NUBPL: variants seen among roughly 807,000 people sequenced by gnomAD.
The protein encoded by NUBPL is iron-sulfur cluster transfer protein NUBPL.
In NUBPL, 31 loss-of-function variants were observed where a neutral mutation model predicts 45.7. That is an observed-to-expected ratio of 0.68 (90% CI 0.51 to 0.92). The LOEUF is 0.92. Ranked by LOEUF, NUBPL falls within the 40% of genes least tolerant of loss-of-function variation. The pLI, the probability that NUBPL is intolerant of heterozygous loss-of-function variation, is 0.00. For missense variants in NUBPL, 401 were observed against 398.7 expected (o/e 1.01, Z -0.05); for synonymous variants, 144 against 140.9 (o/e 1.02, Z -0.15).
At chr14:31,573,894 T>C (rs1365913311) in intron 3 of NUBPL, among the ~76,000 whole-genome samples, 1 of 152,188 alleles carries the variant, frequency 6.6e-6, no homozygotes, top group Non-Finnish European at 1.5e-5. Flanking sequence ...TTTTATTCCT[T>C]TTTTTAATCC....
At chr14:31,826,859 A>C in intron 8 of NUBPL, 145 bp downstream of exon 8, 1 of 737,332 alleles carries the variant, frequency 1.4e-6, no homozygotes, top group Non-Finnish European at 2.4e-6. Context: ...GTGACTTTAA[A>C]AACACACTTA....
chr14:31,692,978 T>G (rs2037126812), intron 6 of NUBPL, among the ~76,000 whole-genome samples: 1 of 152,118 alleles, frequency 6.6e-6, no homozygotes, highest in South Asian at 2.1e-4. Context: ...TTTGCAGCAG[T>G]AGAGGTTTCT....
At chr14:31,570,135 G>A (rs1302801568) in intron 3 of NUBPL, among the ~76,000 whole-genome samples, 1 of 152,164 alleles carries the variant, frequency 6.6e-6, no homozygotes, top group Non-Finnish European at 1.5e-5. Flanking sequence ...AACATATACT[G>A]TGGAAGCTTA....
At chr14:31,799,063 A>G (rs4981911) in intron 7 of NUBPL, among the ~76,000 whole-genome samples, 51,196 of 151,886 alleles carry the variant, frequency 0.34, 8,935 homozygotes, top group South Asian at 0.41. Flanking sequence ...GAGCCTTTCT[A>G]TCAATTTTGC....
intron 7 of NUBPL, among the ~76,000 whole-genome samples, chr14:31,825,159 A>T (rs1051557687): frequency 1.3e-5 from 2 of 151,988 alleles, no homozygotes; most frequent in Non-Finnish European, 2.9e-5. Flanking sequence ...CCTCAGTTTT[A>T]TTCCCACCAA....
intron 6 of NUBPL, among the ~76,000 whole-genome samples, chr14:31,754,556 T>C (rs1216028970): frequency 6.6e-6 from 1 of 150,400 alleles, no homozygotes. Context: ...TTTAGAAGAT[T>C]GTGGGTTTTA....
intron 6 of NUBPL, among the ~76,000 whole-genome samples, chr14:31,758,754 A>G (rs1345298297): frequency 6.6e-6 from 1 of 152,186 alleles, no homozygotes; most frequent in Admixed American, 6.6e-5. Context: ...ATGAAATACT[A>G]TTTTGTCATT....
intron 6 of NUBPL, among the ~76,000 whole-genome samples, chr14:31,691,420 G>A (rs1212815727): frequency 1.3e-5 from 2 of 152,190 alleles, no homozygotes; most frequent in African/African-American, 2.4e-5. Flanking sequence ...TATTAGTAAA[G>A]TTTTTTGGGA....
chr14:31,652,885 C>T (rs1816815), intron 4 of NUBPL, among the ~76,000 whole-genome samples: 24 of 151,904 alleles, frequency 1.6e-4, no homozygotes, highest in African/African-American at 5.1e-4. Flanking sequence ...ATTTTCCCTA[C>T]GTGTCAGCCG....
chr14:31,644,608 AAG>A (rs1326345042), intron 4 of NUBPL, among the ~76,000 whole-genome samples: 1 of 152,168 alleles, frequency 6.6e-6, no homozygotes, highest in African/African-American at 2.4e-5. Context: ...TGTGGCAATA[AAG>A]AGAGTGTATG....
intron 6 of NUBPL, among the ~76,000 whole-genome samples, chr14:31,769,627 C>A (rs1222706950): frequency 1.3e-5 from 2 of 151,704 alleles, no homozygotes; most frequent in African/African-American, 4.8e-5. Flanking sequence ...TTGGAGCTTT[C>A]CTGTTCTTAT....
At chr14:31,649,921 G>A (rs149868911) in intron 4 of NUBPL, among the ~76,000 whole-genome samples, 237 of 152,170 alleles carry the variant, frequency 1.6e-3, no homozygotes, top group Middle Eastern at 0.014. Context: ...TTGCAATGGC[G>A]CAATCTCCGC....
rs550965909 is a variant in NUBPL, at chr14:31,743,468, C to T, written c.514-44312C>T. Among the ~76,000 whole-genome samples the T allele has an allele frequency of 1.6e-3, 241 of 152,244 alleles. 1 individual carries two copies. The highest frequency in any genetic ancestry group is 0.014 in the Middle Eastern group (4 of 294). On this transcript the variant is annotated intron_variant, in intron 6 of 10. Coordinates refer to ENST00000281081, the MANE Select transcript of NUBPL (RefSeq NM_025152.3). ...AATCTCGGCTCACTGCAACCTCCACCGCCTGGGTTCAAGCAATTCTCTTGC... is the reference window on the plus strand; with the variant it reads ...AATCTCGGCTCACTGCAACCTCCACTGCCTGGGTTCAAGCAATTCTCTTGC...
intron 6 of NUBPL, among the ~76,000 whole-genome samples, chr14:31,729,864 A>G (rs1277710267): frequency 6.6e-6 from 1 of 152,158 alleles, no homozygotes; most frequent in East Asian, 1.9e-4. Context: ...TTATTGCATT[A>G]TCTAGCATCA....
intron 4 of NUBPL, among the ~76,000 whole-genome samples, chr14:31,633,298 C>T (rs1431526335): frequency 6.6e-6 from 1 of 152,190 alleles, no homozygotes; most frequent in East Asian, 1.9e-4. Context: ...TGTTACCACA[C>T]ATAACCACAG....
chr14:31,658,633 C>A (rs1017685416), intron 4 of NUBPL, among the ~76,000 whole-genome samples: 5 of 152,018 alleles, frequency 3.3e-5, no homozygotes, highest in Non-Finnish European at 7.4e-5. Flanking sequence ...CCACCTCAGC[C>A]TCCTGAGTAG....
chr14:31,632,088 C>T (rs891126011), intron 4 of NUBPL, among the ~76,000 whole-genome samples: 3 of 152,086 alleles, frequency 2.0e-5, no homozygotes, highest in Admixed American at 6.6e-5. Context: ...CTCATTTTGA[C>T]GGTTGTTTCC....
chr14:31,753,866 C>T (rs908753366), intron 6 of NUBPL, among the ~76,000 whole-genome samples: 5 of 152,100 alleles, frequency 3.3e-5, no homozygotes, highest in East Asian at 3.8e-4. Flanking sequence ...TATTTGTTTT[C>T]GCCTTCACAC....
chr14:31,837,962 C>A (rs2040308296), intron 8 of NUBPL, among the ~76,000 whole-genome samples: 1 of 152,128 alleles, frequency 6.6e-6, no homozygotes, highest in South Asian at 2.1e-4. Flanking sequence ...AATGCCTAAG[C>A]CTTCATTTCC....
Sources: gnomAD v4.1 joint callset for allele counts (sites outside exome capture counted in the v4.1 genomes callset) on GRCh38, gnomAD v4.1.1 for gene constraint, MANE v1.5 for transcripts, NCBI Gene and HGNC (gene_info 2026-07-23, HGNC 2026-07-21) for gene names.